SORCS1: variants seen among roughly 807,000 people sequenced by gnomAD.
The protein encoded by SORCS1 is sortilin related VPS10 domain containing receptor 1.
SORCS1 carries 60 observed loss-of-function variants against 146.1 expected under a neutral mutation model. The observed-to-expected ratio is 0.41, with a 90% CI of 0.33 to 0.51. SORCS1 has a LOEUF of 0.51. SORCS1 is among the 20% of genes least tolerant of loss of function. The pLI is 0.21. For missense variants in SORCS1, 1,352 were observed against 1,487.6 expected (o/e 0.91, Z 1.50); for synonymous variants, 637 against 584.0 (o/e 1.09, Z -1.31).
intron 1 of SORCS1, among the ~76,000 whole-genome samples, chr10:107,127,817 T>C (rs777960144): frequency 5.0e-4 from 76 of 152,180 alleles, no homozygotes; most frequent in Non-Finnish European, 9.6e-4. Flanking sequence ...ACTGAGAGAA[T>C]GGAGTGAATG....
chr10:107,079,643 A>G (rs551394983), intron 1 of SORCS1, among the ~76,000 whole-genome samples: 1 of 152,304 alleles, frequency 6.6e-6, no homozygotes, highest in African/African-American at 2.4e-5. Flanking sequence ...TTTGTGCCCC[A>G]ATTCCGAAAA....
Position 106,597,584 on chromosome 10 carries a change from G to A in SORCS1, c.3166-134C>T, listed in dbSNP as rs370788574. ...TGAGTTATATAAATAAGGTTTATAT[G>A]ATTTTGATTTAATTCCAGAATATGC... is the stretch of plus-strand genomic sequence containing the variant. On this transcript the variant is annotated intron_variant, in intron 23 of 25. Coordinates refer to ENST00000263054, the MANE Select transcript of SORCS1 (RefSeq NM_052918.5). 124 of 633,672 alleles carry A rather than the reference G, an allele frequency of 2.0e-4. No individual in the cohort carries two copies. The Middle Eastern group carries it at 3.5e-3, about 18-fold the overall frequency. 39.3% of individuals were successfully genotyped at this position (633,672 alleles called of 1,614,324 possible). A position where few individuals can be genotyped will look rare whatever the true frequency, so the allele number is the denominator to read the frequency against.
chr10:106,912,631 C>T (rs1952220838), intron 2 of SORCS1, among the ~76,000 whole-genome samples: 1 of 152,124 alleles, frequency 6.6e-6, no homozygotes, highest in Non-Finnish European at 1.5e-5. Flanking sequence ...ATTCCTGGTT[C>T]TACCCCATGC....
At chr10:106,876,457 A>G (rs1950592088) in intron 2 of SORCS1, among the ~76,000 whole-genome samples, 1 of 152,234 alleles carries the variant, frequency 6.6e-6, no homozygotes, top group South Asian at 2.1e-4. Context: ...GGTCAAGCAC[A>G]GGATCTAGAG....
intron 17 of SORCS1, among the ~76,000 whole-genome samples, chr10:106,663,521 T>G (rs1431137616): frequency 6.6e-6 from 1 of 152,206 alleles, no homozygotes. Context: ...AAAATCTAAA[T>G]GTATAGTGTC....
At chr10:107,153,485 G>A (rs866585019) in intron 1 of SORCS1, among the ~76,000 whole-genome samples, 17 of 152,124 alleles carry the variant, frequency 1.1e-4, no homozygotes, top group African/African-American at 4.1e-4. Flanking sequence ...GGAATTTCTG[G>A]GATATATAGT....
intron 2 of SORCS1, among the ~76,000 whole-genome samples, chr10:106,905,208 T>C (rs1420013981): frequency 1.3e-5 from 2 of 151,674 alleles, no homozygotes; most frequent in African/African-American, 2.4e-5. Context: ...AATCCAAGAG[T>C]TGTTTCTTAG....
At position 106,607,288 on chromosome 10, in the gene SORCS1, C is replaced by A; in HGVS notation, c.3043G>T (p.Val1015Phe). ...IKKSLVEATG[V>F]PGQHILVAVL... Reference sequence around the variant, plus strand: ...GCCACCAGGATGTGCTGGCCTGGAACCCCTGTGGCCTGAGGGACAGACACA... The same window carrying A: ...GCCACCAGGATGTGCTGGCCTGGAAACCCTGTGGCCTGAGGGACAGACACA... The change falls in exon 23 of 26, where the codon GTT becomes TTT. Residue 1015 changes from valine (V) to phenylalanine (F), a missense_variant. This residue lies in a region of SORCS1 where 214 missense variants were observed against 204.8 expected (regional missense o/e 1.05). Coordinates refer to ENST00000263054, the MANE Select transcript of SORCS1 (RefSeq NM_052918.5). The A allele has an allele frequency of 1.2e-6, 2 of 1,613,986 alleles. No homozygotes were observed. The highest frequency in any genetic ancestry group is 1.7e-6 in the Non-Finnish European group (2 of 1,179,946).
chr10:107,028,287 C>G (rs1958494798), intron 1 of SORCS1, among the ~76,000 whole-genome samples: 2 of 152,150 alleles, frequency 1.3e-5, no homozygotes, highest in South Asian at 4.1e-4. Flanking sequence ...CTTAAATGCT[C>G]AATTCCCCAT....
rs758939088 is a variant in SORCS1 at position 106,677,329 on chromosome 10, G to T, written c.1816C>A (p.Pro606Thr). The T allele has an allele frequency of 1.2e-6, 2 of 1,613,848 alleles. No individual in the cohort carries two copies. The highest frequency in any genetic ancestry group is 2.2e-5 in the South Asian group (2 of 91,070). ...TGCCCTTACCAAAGATGTCGAATTG[G>T]GAGAGATGTGTGTTTCATAGCAACC... ...VLVAMKHTSL[P>T]IRHLWLSFDE... is the part of the protein sequence containing the mutation. Residue 606 changes from proline to threonine, a missense_variant, in exon 13 of 26, where the codon CCA becomes ACA. By Grantham distance (38) the Pro-to-Thr change is conservative. Transcript: ENST00000263054.
rs540325101 is a variant in SORCS1 at position 107,139,754 on chromosome 10, G to A, written c.558+24215C>T. On this transcript the variant is annotated intron_variant, in intron 1 of 25. Coordinates refer to ENST00000263054, the MANE Select transcript of SORCS1 (RefSeq NM_052918.5). ...ATTTATAGTGATTGCAGTCCTTTCC[G>A]AAAAACCTGGAATGACCAACACATG... Among the ~76,000 whole-genome samples, 5 of 152,182 alleles carry A rather than the reference G, an allele frequency of 3.3e-5. No homozygotes were observed. In the South Asian group the frequency reaches 8.3e-4, roughly 25 times the overall value.
At chr10:106,659,538 C>A (rs554246437) in intron 17 of SORCS1, among the ~76,000 whole-genome samples, 4 of 152,266 alleles carry the variant, frequency 2.6e-5, no homozygotes, top group African/African-American at 9.6e-5. Context: ...AATATTGAAT[C>A]CTTTCAATTG....
At chr10:106,854,477 G>A (rs12242759) in intron 2 of SORCS1, among the ~76,000 whole-genome samples, 13,699 of 148,912 alleles carry the variant, frequency 0.092, 1,228 homozygotes, top group East Asian at 0.24. Flanking sequence ...TTGGATTATT[G>A]CCTATCACAT....
intron 8 of SORCS1, among the ~76,000 whole-genome samples, chr10:106,700,725 T>C (rs1175553872): frequency 6.6e-6 from 1 of 152,124 alleles, no homozygotes; most frequent in Non-Finnish European, 1.5e-5. Context: ...GGAACAAGAC[T>C]CCCTATCCTC....
At chr10:106,836,478 A>AG in intron 2 of SORCS1, among the ~76,000 whole-genome samples, 1 of 148,852 alleles carries the variant, frequency 6.7e-6, no homozygotes, top group Non-Finnish European at 1.5e-5. Flanking sequence ...CGGTCTCAAA[A>AG]AAAAAAAAAA....
intron 1 of SORCS1, among the ~76,000 whole-genome samples, chr10:107,135,534 T>A (rs1967217635): frequency 6.6e-6 from 1 of 152,218 alleles, no homozygotes; most frequent in Non-Finnish European, 1.5e-5. Context: ...GAAAGGGCAT[T>A]GATCAAACTA....
At chr10:106,713,550 C>A (rs1401098106) in intron 6 of SORCS1, among the ~76,000 whole-genome samples, 1 of 152,066 alleles carries the variant, frequency 6.6e-6, no homozygotes, top group Non-Finnish European at 1.5e-5. Context: ...AGGGAGAAAA[C>A]AAAGATGGAA....
At chr10:107,124,008 A>G (rs925727241) in intron 1 of SORCS1, among the ~76,000 whole-genome samples, 11 of 150,774 alleles carry the variant, frequency 7.3e-5, no homozygotes, top group African/African-American at 2.7e-4. Context: ...AATGGCATGA[A>G]CCTGGGAGGC....
rs1846658873 is a variant in SORCS1 at position 106,607,172 on chromosome 10, C to T, written c.3159G>A (p.Leu1053=). The T allele has an allele frequency of 6.2e-7, 1 of 1,613,844 alleles. No homozygotes were observed. The highest frequency in any genetic ancestry group is 1.1e-5 in the South Asian group (1 of 91,072). Residue 1053 remains leucine, a synonymous_variant, in exon 23 of 26, where the codon CTG becomes CTA. Coordinates refer to ENST00000263054, the MANE Select transcript of SORCS1 (RefSeq NM_052918.5). ...CCTTTTCCAGGGGACTCACCTGCTC[C>T]AGGTCATCAGTTGACCTTTTGTTTT... The part of the protein sequence containing the change: ...AGENKRSTDD[L]EQISELLIHT...
Sources: gnomAD v4.1 joint callset for allele counts (sites outside exome capture counted in the v4.1 genomes callset) on GRCh38, gnomAD v4.1.1 for gene constraint, gnomAD v4.1.1 regional missense constraint, MANE v1.5 for transcripts, NCBI Gene and HGNC (gene_info 2026-07-23, HGNC 2026-07-21) for gene names.